Variants in DGCR8 observed in about 807,000 individuals in gnomAD.
DGCR8 encodes the protein microprocessor complex subunit DGCR8.
Under a neutral mutation model 78.5 loss-of-function variants are expected in DGCR8, and 14 were observed. The ratio of observed to expected loss-of-function variants is 0.18; its 90% CI spans 0.12 to 0.28. The LOEUF (loss-of-function observed/expected upper bound fraction) is 0.28. Among genes scored for constraint, DGCR8 ranks in the 10% least tolerant of loss-of-function variants. The pLI, the probability that DGCR8 is intolerant of heterozygous loss-of-function variation, is 1.00. For missense variants in DGCR8, 702 were observed against 1,022.5 expected (o/e 0.69, Z 4.28); for synonymous variants, 399 against 402.4 (o/e 0.99, Z 0.10).
intron 9 of DGCR8, among the ~76,000 whole-genome samples, chr22:20,105,318 C>T (rs2049756675): frequency 6.6e-6 from 1 of 152,186 alleles, no homozygotes; most frequent in East Asian, 1.9e-4. Flanking sequence ...CCTGCTGAGG[C>T]CTTGATTTCA....
intron 12 of DGCR8, 153 bp from the exon 13 acceptor site, chr22:20,108,737 A>T: frequency 2.7e-6 from 1 of 371,670 alleles, no homozygotes; most frequent in East Asian, 6.2e-5. Flanking sequence ...GCCAGTCAGC[A>T]TGCAGTTATG....
rs2049480898 is a variant in DGCR8, at chr22:20,086,243, C to G, written c.280C>G (p.His94Asp). The change falls in exon 2 of 14, where the codon CAC (histidine) becomes GAC (aspartate). Residue 94 changes from histidine to aspartate, a missense_variant. By Grantham distance (81) the His-to-Asp change is moderately conservative. Transcript: ENST00000351989. The surrounding 1 kb of genome is among the most constrained non-coding windows in gnomAD (Gnocchi z 6.4). ...RLLIDPNCSG[H>D]SPRTARHAPA... ...CCTCATAGACCCGAACTGTAGTGGC[C>G]ACAGCCCGCGCACCGCCCGGCACGC... is the stretch of plus-strand genomic sequence containing the variant. 1 of 1,614,048 alleles carries G rather than the reference C, an allele frequency of 6.2e-7. No homozygotes were observed. The highest frequency in any genetic ancestry group is 1.1e-5 in the South Asian group (1 of 91,082).
Position 20,110,096 on chromosome 22 carries a change from C to G in DGCR8, c.2310C>G (p.Thr770=), listed in dbSNP as rs746842277. 62 of 1,610,548 alleles carry G rather than the reference C, an allele frequency of 3.8e-5. No individual in the cohort carries two copies. Among genetic ancestry groups the G allele is most frequent in the Non-Finnish European group, 5.1e-5 (60 of 1,179,942 alleles). Residue 770 remains threonine, a synonymous_variant, in exon 14 of 14, where the codon ACC becomes ACG. Coordinates refer to ENST00000351989, the MANE Select transcript of DGCR8 (RefSeq NM_022720.7). ...SAQPGGEPLC[T]VDV ...AGCCTGGCGGTGAGCCCCTGTGCAC[C>G]GTGGACGTGTGAGGGAGGTGGCACG... is the stretch of plus-strand genomic sequence containing the variant.
chr22:20,104,197 G>C (rs1050863965), intron 9 of DGCR8, among the ~76,000 whole-genome samples: 1 of 146,840 alleles, frequency 6.8e-6, no homozygotes, highest in Non-Finnish European at 1.5e-5. Flanking sequence ...TCGCTCTGTC[G>C]CCCAGGCCGG....
At chr22:20,092,074 G>A (rs530685579) in intron 7 of DGCR8, 104 bp downstream of exon 7, 25 of 884,300 alleles carry the variant, frequency 2.8e-5, no homozygotes, top group African/African-American at 1.7e-4. Flanking sequence ...CTACTGGAAC[G>A]GGAGGAAAGG....
At chr22:20,094,185 A>T (rs957931564) in intron 8 of DGCR8, among the ~76,000 whole-genome samples, 31 of 152,162 alleles carry the variant, frequency 2.0e-4, no homozygotes, top group African/African-American at 4.8e-5. Flanking sequence ...GCCAGCACTG[A>T]TAGCTCTGTG....
At chr22:20,092,732 G>C in intron 7 of DGCR8, 77 bp from the exon 8 acceptor site, 1 of 1,295,876 alleles carries the variant, frequency 7.7e-7, no homozygotes, top group Non-Finnish European at 1.1e-6. Context: ...CGCCTTGTCT[G>C]TCGGTGTGGG....
chr22:20,092,974 G>A, intron 8 of DGCR8, 67 bp downstream of exon 8: 1 of 1,334,212 alleles, frequency 7.5e-7, no homozygotes, highest in Non-Finnish European at 1.1e-6. Context: ...GCTTGGTTAG[G>A]GAGGGGCTGA....
rs2049493668 is a variant in DGCR8 at position 20,087,084 on chromosome 22, T to C, written c.721-78T>C. 8 of 1,522,380 alleles carry C rather than the reference T, an allele frequency of 5.3e-6. No homozygotes were observed. The South Asian group carries it at 1.0e-4, about 19-fold the overall frequency. 94.3% of individuals were successfully genotyped at this position (1,522,380 alleles called of 1,614,324 possible). A position where few individuals can be genotyped will look rare whatever the true frequency, so the allele number is the denominator to read the frequency against. ...GAGCACCTCCTTTCTGTGTCTGTTC[T>C]CAGGAATGCTGTTGAGCTCTCCTGT... On this transcript the variant is annotated intron_variant, in intron 2 of 13. Coordinates refer to ENST00000351989, the MANE Select transcript of DGCR8 (RefSeq NM_022720.7). The surrounding 1 kb of genome is among the most constrained non-coding windows in gnomAD (Gnocchi z 4.1).
At chr22:20,088,458 C>G (rs1356110858) in intron 3 of DGCR8, among the ~76,000 whole-genome samples, 1 of 152,226 alleles carries the variant, frequency 6.6e-6, no homozygotes, top group Non-Finnish European at 1.5e-5. Context: ...CCTCAGGTGG[C>G]TGGGCCAACT....
At chr22:20,103,279 A>G (rs1445825563) in intron 9 of DGCR8, among the ~76,000 whole-genome samples, 1 of 152,070 alleles carries the variant, frequency 6.6e-6, no homozygotes, top group Non-Finnish European at 1.5e-5. Flanking sequence ...GTCTTCTTTG[A>G]TATCTTTCAT....
Position 20,086,772 on chromosome 22 carries a change from T to TAAAA in DGCR8, c.720+100_720+103dup. The stretch of plus-strand genomic sequence containing the variant: ...CAGCATCTTTTGAAAGCAGGGAAAT[T>TAAAA]AAAAAAAAAAAAAACAAAAACCAAA... On this transcript the variant is annotated intron_variant, in intron 2 of 13. Transcript: ENST00000351989. The surrounding 1 kb of genome is among the most constrained non-coding windows in gnomAD (Gnocchi z 6.4). The TAAAA allele has an allele frequency of 1.7e-6, 2 of 1,150,248 alleles. No homozygotes were observed. The highest frequency in any genetic ancestry group is 2.3e-6 in the Non-Finnish European group (2 of 855,454). 71.3% of individuals were successfully genotyped at this position (1,150,248 alleles called of 1,614,324 possible).
chr22:20,092,257 A>AT (rs2049574317), intron 7 of DGCR8, among the ~76,000 whole-genome samples: 1 of 152,038 alleles, frequency 6.6e-6, no homozygotes, highest in Non-Finnish European at 1.5e-5. Flanking sequence ...GGACAGCCTT[A>AT]TTGCGAGCAA....
At chr22:20,081,296 T>G (rs1430718013) in intron 1 of DGCR8, among the ~76,000 whole-genome samples, 1 of 152,248 alleles carries the variant, frequency 6.6e-6, no homozygotes, top group South Asian at 2.1e-4. Flanking sequence ...CCAGTGCCTC[T>G]GTTAGCCAAC....
chr22:20,101,692 G>T, intron 9 of DGCR8: 1 of 985,370 alleles, frequency 1.0e-6, no homozygotes, highest in Non-Finnish European at 1.2e-6. Context: ...GACAGGGGTG[G>T]CCATCTCCTG....
chr22:20,110,484 A>T lies in DGCR8; in HGVS notation c.*376A>T, dbSNP rs2049826424. ...TGACGACACATGATGCTTGGATGACAGATGAGAGGGGATGGCTGAGTCCTG... is the reference window on the plus strand; with the variant it reads ...TGACGACACATGATGCTTGGATGACTGATGAGAGGGGATGGCTGAGTCCTG... On this transcript the variant is annotated 3_prime_UTR_variant, in exon 14 of 14. Coordinates refer to ENST00000351989, the MANE Select transcript of DGCR8 (RefSeq NM_022720.7). 5.6e-6 allele frequency: 1 copy of T among 178,140 alleles called. No individual in the cohort carries two copies. Among genetic ancestry groups the T allele is most frequent in the Admixed American group, 6.1e-5 (1 of 16,302 alleles). 11.0% of individuals were successfully genotyped at this position (178,140 alleles called of 1,614,324 possible). A position where few individuals can be genotyped will look rare whatever the true frequency, so the allele number is the denominator to read the frequency against.
intron 1 of DGCR8, among the ~76,000 whole-genome samples, chr22:20,082,751 C>T (rs1361670924): frequency 2.6e-5 from 4 of 152,218 alleles, no homozygotes; most frequent in Admixed American, 1.3e-4. Context: ...AAAGCAGCTC[C>T]ATCACTTCCT....
rs1384402905 is a variant in DGCR8 at position 20,089,683 on chromosome 22, C to T, written c.895C>T (p.Pro299Ser). The T allele has an allele frequency of 6.8e-6, 11 of 1,613,914 alleles. No homozygotes were observed. The highest frequency in any genetic ancestry group is 9.3e-6 in the Non-Finnish European group (11 of 1,180,012). The change falls in exon 4 of 14, where the codon CCT becomes TCT. Residue 299 changes from proline to serine, a missense_variant. Physicochemically the swap from Pro to Ser is moderately conservative, Grantham distance 74. This residue lies in a region of DGCR8 where 356 missense variants were observed against 448.9 expected (regional missense o/e 0.79). Coordinates refer to ENST00000351989, the MANE Select transcript of DGCR8 (RefSeq NM_022720.7). This position sits in a 1 kb window ranked among gnomAD's most constrained non-coding sequence, Gnocchi z 4.9. ...TTCCTGTGCAGGTCGTGGCCGCCCA[C>T]CTACAGAGCCGCTGCCCGACGGGTG... is the stretch of plus-strand genomic sequence containing the variant. ...KTVLKSRGRP[P>S]TEPLPDGWIM...
rs1033734831 is a variant in DGCR8 at position 20,094,585 on chromosome 22, C to T, written c.1706-128C>T. Reference sequence around the variant, plus strand: ...CCTGACCCTGTCACTGAAGTGCTGTCTCTCCTCAGGGCCCTCGCTCAGCCT... The same window carrying T: ...CCTGACCCTGTCACTGAAGTGCTGTTTCTCCTCAGGGCCCTCGCTCAGCCT... On this transcript the variant is annotated intron_variant, in intron 8 of 13. Coordinates refer to ENST00000351989, the MANE Select transcript of DGCR8 (RefSeq NM_022720.7). The T allele has an allele frequency of 2.8e-4, 225 of 798,380 alleles. 1 individual carries two copies. The highest frequency in any genetic ancestry group is 1.3e-4 in the Non-Finnish European group (61 of 474,022). The allele number at this position is 798,380 out of a possible 1,614,324, so 49.5% of individuals were successfully genotyped here.
Sources: allele counts gnomAD v4.1 joint callset (sites outside exome capture counted in the v4.1 genomes callset), GRCh38; gene constraint gnomAD v4.1.1; regional missense constraint gnomAD v4.1.1; non-coding constraint Gnocchi (gnomAD v3.1); transcripts MANE v1.5; gene names NCBI Gene and HGNC (gene_info 2026-07-23, HGNC 2026-07-21).